STOML2: variants seen among roughly 807,000 people sequenced by gnomAD.
STOML2 encodes stomatin-like protein 2, mitochondrial.
Under a neutral mutation model 45.7 loss-of-function variants are expected in STOML2, and 22 were observed. That is an observed-to-expected ratio of 0.48 (90% CI 0.34 to 0.69). STOML2 has a LOEUF of 0.69. Ranked by LOEUF, STOML2 falls within the 30% of genes least tolerant of loss-of-function variation. STOML2 has a pLI of 0.01. For synonymous variants in STOML2, 181 were observed against 182.7 expected (o/e 0.99, Z 0.08); for missense variants, 359 against 466.9 (o/e 0.77, Z 2.13).
Position 35,099,864 on chromosome 9 carries a change from A to T in STOML2, c.*171T>A. Reference sequence around the variant, plus strand: ...AAGGAAAATGCTAGTGACTTTCCCAACTTCATTCCCCAATCAAAGAGGACA... The same window carrying T: ...AAGGAAAATGCTAGTGACTTTCCCATCTTCATTCCCCAATCAAAGAGGACA... On this transcript the variant is annotated 3_prime_UTR_variant, in exon 10 of 10. Coordinates refer to ENST00000356493, the MANE Select transcript of STOML2 (RefSeq NM_013442.3). The T allele has an allele frequency of 1.4e-6, 1 of 730,068 alleles. No individual in the cohort carries two copies. Among genetic ancestry groups the T allele is most frequent in the Non-Finnish European group, 2.2e-6 (1 of 454,512 alleles). The allele number at this position is 730,068 out of a possible 1,614,324, so 45.2% of individuals were successfully genotyped here.
rs1339022632 is a variant in STOML2 at position 35,101,872 on chromosome 9, T to G, written c.342+32A>C. The G allele has an allele frequency of 1.2e-6, 2 of 1,614,030 alleles. No homozygotes were observed. Among genetic ancestry groups the G allele is most frequent in the South Asian group, 1.1e-5 (1 of 91,066 alleles). On this transcript the variant is annotated intron_variant, in intron 4 of 9. Coordinates refer to ENST00000356493, the MANE Select transcript of STOML2 (RefSeq NM_013442.3). The surrounding 1 kb of genome is among the most constrained non-coding windows in gnomAD (Gnocchi z 4.3). ...ACAAGATTTTAGTGAAGAGGGCAAC[T>G]CAAAAGGCTGGATAAAGTAGGGGAC...
In STOML2 at chr9:35,103,103, G is replaced by A. The variant is rs771973828; in HGVS notation, c.-9C>T. On this transcript the variant is annotated 5_prime_UTR_variant, in exon 1 of 10. Transcript: ENST00000356493. ...GCCGCGCGCGCCAGCATTTCCCACC[G>A]CCGCAGCGACCTCCGGAACCAACGA... 3.1e-6 allele frequency: 5 copies of A among 1,612,864 alleles called. No homozygotes were observed. The African/African-American group carries it at 4.0e-5, about 13-fold the overall frequency.
rs1251838836 is a variant in STOML2 at position 35,102,105 on chromosome 9, A to G, written c.273T>C (p.Ala91=). The change falls in exon 3 of 10, where the codon GCT becomes GCC. Residue 91 remains alanine, a synonymous_variant. Coordinates refer to ENST00000356493, the MANE Select transcript of STOML2 (RefSeq NM_013442.3). This position sits in a 1 kb window ranked among gnomAD's most constrained non-coding sequence, Gnocchi z 4.8. The part of the protein sequence containing the change: ...EIVINVPEQS[A]VTLDNVTLQI... ...CCCTGAACCCCTCACCGAGAGTCACAGCCGACTGCTCAGGCACGTTGATGA... is the reference window on the plus strand; with the variant it reads ...CCCTGAACCCCTCACCGAGAGTCACGGCCGACTGCTCAGGCACGTTGATGA... 1 of 1,613,902 alleles carries G rather than the reference A, an allele frequency of 6.2e-7. No individual in the cohort carries two copies. The highest frequency in any genetic ancestry group is 8.5e-7 in the Non-Finnish European group (1 of 1,179,984).
Position 35,101,845 on chromosome 9 carries a change from G to T in STOML2, c.343-34C>A. 1 of 1,614,142 alleles carries T rather than the reference G, an allele frequency of 6.2e-7. No homozygotes were observed. The highest frequency in any genetic ancestry group is 8.5e-7 in the Non-Finnish European group (1 of 1,179,990). On this transcript the variant is annotated intron_variant, in intron 4 of 9. Coordinates refer to ENST00000356493, the MANE Select transcript of STOML2 (RefSeq NM_013442.3). This position sits in a 1 kb window ranked among gnomAD's most constrained non-coding sequence, Gnocchi z 4.3. The stretch of plus-strand genomic sequence containing the variant: ...GACACGGATAGTGTAAGAAGCTTGG[G>T]CACAAGATTTTAGTGAAGAGGGCAA...
rs1829802396 is a variant in STOML2 at position 35,100,913 on chromosome 9, C to T, written c.804+19G>A. ...CCACTGTCAATTCCTGTCCCCATTC[C>T]CACCCAGGGGCCTCTCACATGTTGT... On this transcript the variant is annotated intron_variant, in intron 8 of 9. Transcript: ENST00000356493. 6.2e-7 allele frequency: 1 copy of T among 1,614,062 alleles called. No homozygotes were observed. Among genetic ancestry groups the T allele is most frequent in the Admixed American group, 1.7e-5 (1 of 60,008 alleles).
At position 35,102,880 on chromosome 9, in the gene STOML2, G is replaced by T; in HGVS notation, c.46-57C>A. 3 of 1,593,030 alleles carry T rather than the reference G, an allele frequency of 1.9e-6. No homozygotes were observed. Among genetic ancestry groups the T allele is most frequent in the South Asian group, 2.2e-5 (2 of 89,004 alleles). ...CATCTGGCCAGACACGCCGCCCCTC[G>T]GTCCTGAAGGCATCTCCATAAACCA... On this transcript the variant is annotated intron_variant, in intron 1 of 9. Transcript: ENST00000356493. The surrounding 1 kb of genome is among the most constrained non-coding windows in gnomAD (Gnocchi z 4.8).
chr9:35,099,820 T>G lies in STOML2; in HGVS notation c.*215A>C. 1 of 537,012 alleles carries G rather than the reference T, an allele frequency of 1.9e-6. No homozygotes were observed. The highest frequency in any genetic ancestry group is 3.3e-6 in the Non-Finnish European group (1 of 300,718). 33.3% of individuals were successfully genotyped at this position (537,012 alleles called of 1,614,324 possible). A position where few individuals can be genotyped will look rare whatever the true frequency, so the allele number is the denominator to read the frequency against. On this transcript the variant is annotated 3_prime_UTR_variant, in exon 10 of 10. Transcript: ENST00000356493. ...TTCACTCTTATTCATGGAGGCATCA[T>G]GCTGACAGGACTGGATCCAAGGAAA... is the stretch of plus-strand genomic sequence containing the variant.
rs749627477 is a variant in STOML2, at chr9:35,102,799, C to G, written c.70G>C (p.Ala24Pro). ...LRGSLLASGRAPRRASSGLPR... is the reference protein window; with the variant it reads ...LRGSLLASGRPPRRASSGLPR... ...AATCCAGAGGAGGCGCGGCGCGGAG[C>G]GCGGCCAGAAGCCAGTAGAGAGCCC... Residue 24 changes from alanine to proline, a missense_variant, in exon 2 of 10, where the codon GCT (alanine) becomes CCT (proline). By Grantham distance (27) the Ala-to-Pro change is conservative. Transcript: ENST00000356493. This position sits in a 1 kb window ranked among gnomAD's most constrained non-coding sequence, Gnocchi z 4.8. 2 of 1,613,920 alleles carry G rather than the reference C, an allele frequency of 1.2e-6. No individual in the cohort carries two copies. Among genetic ancestry groups the G allele is most frequent in the South Asian group, 2.2e-5 (2 of 91,078 alleles).
At position 35,101,858 on chromosome 9, in the gene STOML2, G is replaced by C. The variant is rs775815527; in HGVS notation, c.342+46C>G. The C allele has an allele frequency of 1.2e-6, 2 of 1,614,024 alleles. No individual in the cohort carries two copies. The highest frequency in any genetic ancestry group is 1.3e-5 in the African/African-American group (1 of 74,914). On this transcript the variant is annotated intron_variant, in intron 4 of 9. Transcript: ENST00000356493. The surrounding 1 kb of genome is among the most constrained non-coding windows in gnomAD (Gnocchi z 4.3). ...TAAGAAGCTTGGGCACAAGATTTTA[G>C]TGAAGAGGGCAACTCAAAAGGCTGG...
chr9:35,100,513 G>A lies in STOML2; in HGVS notation c.933+85C>T, dbSNP rs561367997. On this transcript the variant is annotated intron_variant, in intron 9 of 9. Coordinates refer to ENST00000356493, the MANE Select transcript of STOML2 (RefSeq NM_013442.3). ...CCAAGGCACTCTGAAGACCTTTATG[G>A]TATGTAAGTGTTGATGACGGTGGTG... 1.7e-5 allele frequency: 27 copies of A among 1,579,388 alleles called. No homozygotes were observed. In the South Asian group the frequency reaches 2.8e-4, roughly 16 times the overall value.
chr9:35,103,191 C>G, upstream of STOML2: 1 of 1,459,518 alleles, frequency 6.9e-7, no homozygotes, highest in East Asian at 2.3e-5. Flanking sequence ...TTCCGCTCCC[C>G]CGGATGTACT....
chr9:35,100,053 A>G lies in STOML2; in HGVS notation c.1053T>C (p.Asp351=), dbSNP rs145871579. The G allele has an allele frequency of 5.0e-6, 8 of 1,614,060 alleles. No individual in the cohort carries two copies. Among genetic ancestry groups the G allele is most frequent in the Non-Finnish European group, 5.9e-6 (7 of 1,180,038 alleles). Reference sequence around the variant, plus strand: ...AGCTCCACTAACTCATCTTGACTCGATCAAGTTCCTCATCAAGACTTGCAT... The same window carrying G: ...AGCTCCACTAACTCATCTTGACTCGGTCAAGTTCCTCATCAAGACTTGCAT... ...GTDASLDEEL[D]RVKMS is the part of the protein sequence containing the mutation. Residue 351 remains aspartate, a synonymous_variant, in exon 10 of 10, where the codon GAT becomes GAC. Transcript: ENST00000356493.
rs776617508 is a variant in STOML2 at position 35,101,553 on chromosome 9, T to C, written c.452A>G (p.Glu151Gly). 2 of 1,614,074 alleles carry C rather than the reference T, an allele frequency of 1.2e-6. No homozygotes were observed. The highest frequency in any genetic ancestry group is 1.7e-6 in the Non-Finnish European group (2 of 1,180,026). Reference sequence around the variant, plus strand: ...ATCCACAATGCTGGCATTCAGGGACTCCCGTTCCTGGAAAAAGAGGTGTAA... The same window carrying C: ...ATCCACAATGCTGGCATTCAGGGACCCCCGTTCCTGGAAAAAGAGGTGTAA... ...LSLDKVFRERESLNASIVDAI... is the reference protein window; with the variant it reads ...LSLDKVFRERGSLNASIVDAI... The change falls in exon 6 of 10, where the codon GAG becomes GGG. Residue 151 changes from glutamate to glycine, a missense_variant. Around this residue, in one of 2 missense-constraint regions of STOML2, gnomAD observed 285 missense variants for 422.0 expected, o/e 0.68. Transcript: ENST00000356493. This position sits in a 1 kb window ranked among gnomAD's most constrained non-coding sequence, Gnocchi z 4.3.
intron 9 of STOML2, 104 bp downstream of exon 9, chr9:35,100,494 C>G (rs1192238655): frequency 6.7e-7 from 1 of 1,494,792 alleles, no homozygotes; most frequent in Non-Finnish European, 9.2e-7. Context: ...AGGGCCAAGG[C>G]ACTCTGAAGA....
upstream of STOML2, chr9:35,103,154 A>C: frequency 6.3e-7 from 1 of 1,592,112 alleles, no homozygotes. Context: ...CGCTCCCAGA[A>C]GCCTACCCGA....
chr9:35,100,192 G>A lies in STOML2; in HGVS notation c.934-20C>T. The A allele has an allele frequency of 1.2e-6, 2 of 1,612,994 alleles. No individual in the cohort carries two copies. The highest frequency in any genetic ancestry group is 2.2e-5 in the East Asian group (1 of 44,840). On this transcript the variant is annotated intron_variant, in intron 9 of 9. Transcript: ENST00000356493. Reference sequence around the variant, plus strand: ...CATGGCCTGAGGAGAGGAACAGAGAGAATACCATGAGGACACTTGACAGAG... The same window carrying A: ...CATGGCCTGAGGAGAGGAACAGAGAAAATACCATGAGGACACTTGACAGAG...
chr9:35,100,565 G>C (rs756897107), intron 9 of STOML2, 33 bp downstream of exon 9: 62 of 1,612,180 alleles, frequency 3.8e-5, no homozygotes, highest in Admixed American at 5.0e-5. Flanking sequence ...CCTGGCACCA[G>C]TGCTCTATGC....
chr9:35,099,848 G>A lies in STOML2; in HGVS notation c.*187C>T. ...TGACAGGACTGGATCCAAGGAAAAT[G>A]CTAGTGACTTTCCCAACTTCATTCC... On this transcript the variant is annotated 3_prime_UTR_variant, in exon 10 of 10. Transcript: ENST00000356493. 2 of 624,468 alleles carry A rather than the reference G, an allele frequency of 3.2e-6. No homozygotes were observed. Among genetic ancestry groups the A allele is most frequent in the Non-Finnish European group, 5.5e-6 (2 of 364,530 alleles). The allele number at this position is 624,468 out of a possible 1,614,324, so 38.7% of individuals were successfully genotyped here.
chr9:35,102,124 T>C lies in STOML2; in HGVS notation c.254A>G (p.Asn85Ser). ...AGTCACAGCCGACTGCTCAGGCACG[T>C]TGATGACAATTTCCTTGAGACTCTG... is the stretch of plus-strand genomic sequence containing the variant. ...YVQSLKEIVI[N>S]VPEQSAVTLD... Residue 85 changes from asparagine (N) to serine (S), a missense_variant, in exon 3 of 10, where the codon AAC becomes AGC. By Grantham distance (46) the Asn-to-Ser change is conservative. Transcript: ENST00000356493. The surrounding 1 kb of genome is among the most constrained non-coding windows in gnomAD (Gnocchi z 4.8). The C allele has an allele frequency of 6.2e-7, 1 of 1,613,018 alleles. No homozygotes were observed. Among genetic ancestry groups the C allele is most frequent in the Non-Finnish European group, 8.5e-7 (1 of 1,179,734 alleles).
Sources: allele counts gnomAD v4.1 joint callset, GRCh38; gene constraint gnomAD v4.1.1; regional missense constraint gnomAD v4.1.1; non-coding constraint Gnocchi (gnomAD v3.1); transcripts MANE v1.5; gene names NCBI Gene and HGNC (gene_info 2026-07-23, HGNC 2026-07-21).